PARVB: variants seen among roughly 807,000 people sequenced by gnomAD.
The protein encoded by PARVB is parvin beta.
In PARVB, 46 loss-of-function variants were observed where a neutral mutation model predicts 47.0. That is an observed-to-expected ratio of 0.98 (90% CI 0.77 to 1.25). PARVB has a LOEUF of 1.25. PARVB is among the 50% of genes most tolerant of loss of function. The pLI is 0.00. For synonymous variants in PARVB, 196 were observed against 196.3 expected (o/e 1.00, Z 0.01); for missense variants, 473 against 471.6 (o/e 1.00, Z -0.03).
chr22:44,143,310 G>C (rs2053595594), intron 8 of PARVB: 1 of 152,362 alleles, frequency 6.6e-6, no homozygotes. Context: ...GTGTCTGGCA[G>C]ACACTGGTGC....
chr22:44,147,651 G>C, intron 8 of PARVB: 5 of 739,904 alleles, frequency 6.8e-6, no homozygotes, highest in African/African-American at 1.7e-5. Context: ...TGTTCTGGTT[G>C]TTCCCAAGCG....
rs2054279871 is a variant in PARVB at position 44,172,626 on chromosome 22, T to C, written c.*3948T>C. On this transcript the variant is annotated 3_prime_UTR_variant, in exon 13 of 13. Transcript: ENST00000338758. ...TCCCGCTGGGCCGTGGTGTCCTAATTGTCTTGGTGACAAAGAGCAATTTTA... is the reference window on the plus strand; with the variant it reads ...TCCCGCTGGGCCGTGGTGTCCTAATCGTCTTGGTGACAAAGAGCAATTTTA... The C allele has an allele frequency of 4.2e-6, 1 of 238,314 alleles. No individual in the cohort carries two copies. The highest frequency in any genetic ancestry group is 4.1e-5 in the South Asian group (1 of 24,236). 14.8% of individuals were successfully genotyped at this position (238,314 alleles called of 1,614,324 possible).
intron 2 of PARVB, among the ~76,000 whole-genome samples, chr22:44,007,669 GT>G (rs201941691): frequency 4.6e-5 from 7 of 151,712 alleles, no homozygotes; most frequent in Non-Finnish European, 7.4e-5. Context: ...CTTTAAAAAA[GT>G]TTTTTTTTGG....
intron 12 of PARVB, among the ~76,000 whole-genome samples, chr22:44,165,337 G>T (rs1438094396): frequency 6.6e-6 from 1 of 152,160 alleles, no homozygotes; most frequent in Non-Finnish European, 1.5e-5. Flanking sequence ...GCAGGGCTTT[G>T]TCCCCTGCAT....
In PARVB at chr22:44,168,618, C is replaced by T. The variant is rs776483683; in HGVS notation, c.1035C>T (p.Asp345=). 13 of 1,612,546 alleles carry T rather than the reference C, an allele frequency of 8.1e-6. No homozygotes were observed. In the East Asian group the frequency reaches 2.9e-4, roughly 36 times the overall value. The change falls in exon 13 of 13, where the codon GAC becomes GAT. Residue 345 remains aspartate, a synonymous_variant. Transcript: ENST00000338758. ...KARPEDVVNL[D]LKSTLRVLYN... ...CTTCTGCAGACGTGGTTAACTTGGA[C>T]CTCAAATCCACCCTGAGGGTTCTTT...
chr22:44,091,126 T>A (rs1176632384), intron 1 of PARVB, among the ~76,000 whole-genome samples: 1 of 152,116 alleles, frequency 6.6e-6, no homozygotes, highest in Non-Finnish European at 1.5e-5. Flanking sequence ...TGTCCACTGC[T>A]GGTGTAGCGT....
chr22:44,064,325 A>C (rs1248634643), intron 1 of PARVB, among the ~76,000 whole-genome samples: 1 of 152,190 alleles, frequency 6.6e-6, no homozygotes, highest in Non-Finnish European at 1.5e-5. Context: ...TAACACAGGC[A>C]TGCGCCGTGC....
exon 1 of PARVB, chr22:43,999,252 T>C: frequency 9.5e-7 from 1 of 1,050,552 alleles, no homozygotes; most frequent in Non-Finnish European, 1.4e-6. Context: ...CTCCGGCAGC[T>C]CCTTAAACTA....
At chr22:44,066,095 C>T (rs568190129) in intron 1 of PARVB, among the ~76,000 whole-genome samples, 3 of 152,288 alleles carry the variant, frequency 2.0e-5, no homozygotes, top group South Asian at 4.1e-4. Context: ...ATGAGAGTGG[C>T]GCTACAGCAA....
chr22:44,085,529 C>T (rs1333704726), intron 1 of PARVB, among the ~76,000 whole-genome samples: 1 of 152,154 alleles, frequency 6.6e-6, no homozygotes, highest in Non-Finnish European at 1.5e-5. Context: ...GTCTCGAACT[C>T]CTGAGCTCAA....
intron 4 of PARVB, among the ~76,000 whole-genome samples, chr22:44,122,502 G>A (rs2053072413): frequency 1.1e-5 from 1 of 90,676 alleles, no homozygotes; most frequent in Non-Finnish European, 2.0e-5. Context: ...GAGAGAGAGA[G>A]AGAGAGAGAG....
At chr22:44,029,646 C>G (rs1030932585) in intron 1 of PARVB, among the ~76,000 whole-genome samples, 1 of 152,014 alleles carries the variant, frequency 6.6e-6, no homozygotes, top group Non-Finnish European at 1.5e-5. Context: ...CGTGGTGGCT[C>G]ACGCCTGTAA....
chr22:44,056,209 T>C (rs5764491), intron 1 of PARVB, among the ~76,000 whole-genome samples: 56,330 of 152,204 alleles, frequency 0.37, 11,914 homozygotes, highest in African/African-American at 0.58. Flanking sequence ...CCCATTTACT[T>C]GGGGCACCGC....
rs555539997 is a variant in PARVB at position 44,067,167 on chromosome 22, T to C, written c.113-26761T>C. Among the ~76,000 whole-genome samples, 635 of 152,274 alleles carry C rather than the reference T, an allele frequency of 4.2e-3. 2 individuals carry two copies. Among genetic ancestry groups the C allele is most frequent in the African/African-American group, 0.014 (596 of 41,554 alleles). ...CCTTTAATTTATTCTGAAAATGGCG[T>C]GTCAGGAGCTGGGTCTTGGCTGCCT... On this transcript the variant is annotated intron_variant, in intron 1 of 12. Coordinates refer to ENST00000338758, the MANE Select transcript of PARVB (RefSeq NM_013327.5).
At chr22:44,158,165 TC>T in intron 11 of PARVB, 82 bp downstream of exon 11, 1 of 902,804 alleles carries the variant, frequency 1.1e-6, no homozygotes, top group Non-Finnish European at 1.8e-6. Flanking sequence ...CGGCAGCTCT[TC>T]CTGCAGCCTG....
intron 1 of PARVB, among the ~76,000 whole-genome samples, chr22:44,036,021 G>T (rs1310864009): frequency 6.6e-6 from 1 of 152,150 alleles, no homozygotes; most frequent in Non-Finnish European, 1.5e-5. Context: ...ACTTTGGGAG[G>T]CCGAGGCGGG....
intron 10 of PARVB, among the ~76,000 whole-genome samples, chr22:44,157,749 C>T (rs1360272906): frequency 6.6e-6 from 1 of 151,680 alleles, no homozygotes; most frequent in Non-Finnish European, 1.5e-5. Context: ...CATGGTGGTG[C>T]GTGCCTGTAG....
In PARVB at chr22:44,134,175, C is replaced by G. The variant is rs564437189; in HGVS notation, c.633+1166C>G. Among the ~76,000 whole-genome samples, 24 of 152,326 alleles carry G rather than the reference C, an allele frequency of 1.6e-4. No homozygotes were observed. The East Asian group carries it at 4.6e-3, about 29-fold the overall frequency. On this transcript the variant is annotated intron_variant, in intron 6 of 12. Transcript: ENST00000338758. ...AACCCATTCTGGCCCCTCTGTTACC[C>G]TGGGAGCTCAGTCTTGACCGGACGG...
chr22:44,033,171 C>T (rs2050855217), intron 1 of PARVB, among the ~76,000 whole-genome samples: 1 of 152,056 alleles, frequency 6.6e-6, no homozygotes, highest in Non-Finnish European at 1.5e-5. Flanking sequence ...TCACTGCAGC[C>T]TCTGCCTCCT....
Sources: allele counts gnomAD v4.1 joint callset (sites outside exome capture counted in the v4.1 genomes callset), GRCh38; gene constraint gnomAD v4.1.1; transcripts MANE v1.5; gene names NCBI Gene and HGNC (gene_info 2026-07-23, HGNC 2026-07-21).